The following ZFAT variants were observed in gnomAD, a reference collection of about 807,000 sequenced individuals.
ZFAT encodes the protein zinc finger protein ZFAT.
A neutral mutation model predicts 117.7 loss-of-function variants in ZFAT; 64 were observed. That is an observed-to-expected ratio of 0.54 (90% CI 0.44 to 0.67). ZFAT has a LOEUF of 0.67. Among genes scored for constraint, ZFAT ranks in the 30% least tolerant of loss-of-function variants. The pLI is 0.00. For synonymous variants in ZFAT, 679 were observed against 615.0 expected (o/e 1.10, Z -1.54); for missense variants, 1,433 against 1,584.5 (o/e 0.90, Z 1.62).
chr8:134,614,859 G>A (rs1049410146), intron 3 of ZFAT, among the ~76,000 whole-genome samples: 37 of 152,316 alleles, frequency 2.4e-4, no homozygotes, highest in African/African-American at 8.7e-4. Context: ...AACCACATGG[G>A]AAGTCAGACC....
At chr8:134,789,790 A>AT in the ZFAT span, among the ~76,000 whole-genome samples, 1 of 152,208 alleles carries the variant, frequency 6.6e-6, no homozygotes, top group Non-Finnish European at 1.5e-5. Context: ...AGCAAGTATC[A>AT]TTCCTGATGT....
the ZFAT span, among the ~76,000 whole-genome samples, chr8:134,775,880 A>G: frequency 4.6e-5 from 7 of 152,230 alleles, no homozygotes; most frequent in African/African-American, 1.4e-4. Flanking sequence ...TCTATAGAAT[A>G]AAGACATAAA....
At chr8:134,637,365 C>T (rs988673463) in intron 3 of ZFAT, 96 bp downstream of exon 3, 9 of 1,455,392 alleles carry the variant, frequency 6.2e-6, no homozygotes, top group Non-Finnish European at 6.6e-6. Context: ...TAAATATGTG[C>T]TATTTCCAAG....
intron 11 of ZFAT, among the ~76,000 whole-genome samples, chr8:134,545,905 TAAAG>T (rs1586681508): frequency 6.6e-6 from 1 of 152,246 alleles, no homozygotes; most frequent in East Asian, 1.9e-4. Context: ...ATAAGAAAAG[TAAAG>T]AAAGAAAGAC....
At chr8:134,732,531 C>T in the ZFAT span, among the ~76,000 whole-genome samples, 1 of 152,222 alleles carries the variant, frequency 6.6e-6, no homozygotes, top group African/African-American at 2.4e-5. Flanking sequence ...TCAACAACCC[C>T]TGCTCCCAGT....
In ZFAT at chr8:134,563,434, C is replaced by T. The variant is rs572438846; in HGVS notation, c.2976+1899G>A. Reference sequence around the variant, plus strand: ...TTGAAGGCGTACCAGCAGATCCCTCCGAGCCTCCCTCTGACACTCAATGTC... The same window carrying T: ...TTGAAGGCGTACCAGCAGATCCCTCTGAGCCTCCCTCTGACACTCAATGTC... On this transcript the variant is annotated intron_variant, in intron 11 of 15. Coordinates refer to ENST00000377838, the MANE Select transcript of ZFAT (RefSeq NM_020863.4). Among the ~76,000 whole-genome samples the T allele has an allele frequency of 3.9e-5, 6 of 152,316 alleles. No homozygotes were observed. In the South Asian group the frequency reaches 6.2e-4, roughly 16 times the overall value.
chr8:134,794,671 TAA>T, the ZFAT span: 1 of 152,262 alleles, frequency 6.6e-6, no homozygotes, highest in African/African-American at 2.4e-5. Flanking sequence ...AGTTTGAAGC[TAA>T]ACAGTTGAAT....
At chr8:134,788,360 T>G in the ZFAT span, among the ~76,000 whole-genome samples, 1 of 152,154 alleles carries the variant, frequency 6.6e-6, no homozygotes, top group African/African-American at 2.4e-5. Flanking sequence ...TTTGTTTTAT[T>G]CTTTGACCCA....
At chr8:134,606,039 A>G (rs534162118) in intron 5 of ZFAT, among the ~76,000 whole-genome samples, 13 of 152,352 alleles carry the variant, frequency 8.5e-5, no homozygotes, top group African/African-American at 2.9e-4. Flanking sequence ...AAGCTGAAGG[A>G]CAGATAAGCA....
At chr8:134,794,508 C>T in the ZFAT span, 2 of 152,224 alleles carry the variant, frequency 1.3e-5, no homozygotes, top group East Asian at 3.8e-4. Context: ...CATCCCTGTA[C>T]AACCTGGACC....
At chr8:134,789,072 T>C in the ZFAT span, among the ~76,000 whole-genome samples, 95 of 152,346 alleles carry the variant, frequency 6.2e-4, no homozygotes, top group Admixed American at 2.8e-3. Context: ...ATTTTGCAAC[T>C]TTAAATTTGA....
intron 11 of ZFAT, among the ~76,000 whole-genome samples, chr8:134,556,657 T>C (rs562100401): frequency 7.9e-5 from 12 of 152,276 alleles, no homozygotes; most frequent in African/African-American, 2.9e-4. Context: ...GGAACATTTT[T>C]AGAGTGATGT....
the ZFAT span, among the ~76,000 whole-genome samples, chr8:134,811,716 T>G: frequency 6.6e-6 from 1 of 152,220 alleles, no homozygotes. Flanking sequence ...AATGATAATC[T>G]GATAGTCTAC....
At chr8:134,657,809 A>T (rs1347973634) in intron 1 of ZFAT, 72 bp from the exon 2 acceptor site, 25 of 1,504,664 alleles carry the variant, frequency 1.7e-5, no homozygotes. Flanking sequence ...ATTGCCAAAG[A>T]CAATACCGAA....
rs150623684 is a variant in ZFAT at position 134,550,853 on chromosome 8, G to A, written c.2976+14480C>T. On this transcript the variant is annotated intron_variant, in intron 11 of 15. Coordinates refer to ENST00000377838, the MANE Select transcript of ZFAT (RefSeq NM_020863.4). ...ATGCATCCCGCTCCCAACCCCACCC[G>A]CCACGTTCAAAATTAACAAGAAAAC... is the stretch of plus-strand genomic sequence containing the variant. 6.5e-3 allele frequency among the ~76,000 whole-genome samples: 981 copies of A among 151,820 alleles called. 5 individuals carry two copies. The highest frequency in any genetic ancestry group is 0.017 in the Middle Eastern group (5 of 292).
At chr8:134,820,895 G>A in the ZFAT span, among the ~76,000 whole-genome samples, 1 of 152,182 alleles carries the variant, frequency 6.6e-6, no homozygotes, top group African/African-American at 2.4e-5. Context: ...ACTGTAATGT[G>A]TCTCGCCCCT....
At chr8:134,613,412 CG>C (rs1563677156) in intron 3 of ZFAT, among the ~76,000 whole-genome samples, 1 of 152,276 alleles carries the variant, frequency 6.6e-6, no homozygotes, top group Admixed American at 6.5e-5. Context: ...ACTGCAGAAC[CG>C]GGGGGCTGGA....
rs1586684496 is a variant in ZFAT, at chr8:134,547,531, A to G, written c.2977-14559T>C. Among the ~76,000 whole-genome samples the G allele has an allele frequency of 2.0e-5, 3 of 152,208 alleles. No homozygotes were observed. The South Asian group carries it at 6.2e-4, about 32-fold the overall frequency. On this transcript the variant is annotated intron_variant, in intron 11 of 15. Transcript: ENST00000377838. ...ACAGAACTGTCCACAGAACTACCAA[A>G]CACTGCAGGTCAGAGTTAACACCAC...
chr8:134,811,931 G>C, the ZFAT span, among the ~76,000 whole-genome samples: 1 of 152,084 alleles, frequency 6.6e-6, no homozygotes. Context: ...ATCACCTGAG[G>C]TCAGGAGTTC....
Sources: gnomAD v4.1 joint callset for allele counts (sites outside exome capture counted in the v4.1 genomes callset) on GRCh38, gnomAD v4.1.1 for gene constraint, MANE v1.5 for transcripts, NCBI Gene and HGNC (gene_info 2026-07-23, HGNC 2026-07-21) for gene names.